Variants in HAP1 observed in about 807,000 individuals in gnomAD.
HAP1 encodes huntingtin associated protein 1, also known as huntingtin-associated protein 1.
HAP1 carries 59 observed loss-of-function variants against 60.3 expected under a neutral mutation model. That is an observed-to-expected ratio of 0.98 (90% confidence interval 0.79 to 1.22). The LOEUF (loss-of-function observed/expected upper bound fraction) is 1.22, where lower values mean the gene tolerates loss of function less well. Among genes scored for constraint, HAP1 ranks in the 50% most tolerant of loss-of-function variants. HAP1 has a pLI of 0.00. For synonymous variants in HAP1, 346 were observed against 330.6 expected (o/e 1.05, Z -0.50); for missense variants, 825 against 785.3 (o/e 1.05, Z -0.60).
At chr17:41,730,769 A>G (rs1252134058) in intron 6 of HAP1, among the ~76,000 whole-genome samples, 3 of 152,180 alleles carry the variant, frequency 2.0e-5, no homozygotes, top group Non-Finnish European at 2.9e-5. Flanking sequence ...CTTCATAAAC[A>G]CACAGTGCCT....
At chr17:41,720,282 G>A (rs376788569), downstream of HAP1, among the ~76,000 whole-genome samples, 5 of 151,744 alleles carry the variant, frequency 3.3e-5, no homozygotes, top group South Asian at 6.3e-4. Flanking sequence ...TGCAACCTCC[G>A]CCTCCCAGGT....
In HAP1 at chr17:41,731,963, A is replaced by ACACTG; in HGVS notation, c.865_869dup (p.Ala291SerfsTer11). ...GCTTAGGGGCATCACAGGGATGAGC[A>ACACTG]CACTGCAGGTCTTCCTCTGCTTCTT... On this transcript the variant is annotated frameshift_variant, in exon 4 of 11. Transcript: ENST00000347901. LOFTEE classifies it high-confidence loss of function. The ACACTG allele has an allele frequency of 1.0e-6, 1 of 1,002,792 alleles. No individual in the cohort carries two copies. The highest frequency in any genetic ancestry group is 1.6e-6 in the Non-Finnish European group (1 of 640,674). The allele number at this position is 1,002,792 out of a possible 1,614,324, so 62.1% of individuals were successfully genotyped here.
chr17:41,720,263 T>C (rs1394741135), downstream of HAP1, among the ~76,000 whole-genome samples: 1 of 151,718 alleles, frequency 6.6e-6, no homozygotes, highest in Non-Finnish European at 1.5e-5. Flanking sequence ...TGGGGCAATC[T>C]CGGCTCACTG....
intron 8 of HAP1, 185 bp from the exon 9 acceptor site, chr17:41,727,329 G>T (rs1555589153): frequency 1.3e-6 from 1 of 780,894 alleles, no homozygotes. Flanking sequence ...ATGGGTGGCA[G>T]ACCCAGTGGA....
chr17:41,719,755 T>C (rs1911122631), downstream of HAP1, among the ~76,000 whole-genome samples: 2 of 152,096 alleles, frequency 1.3e-5, no homozygotes, highest in East Asian at 3.9e-4. Flanking sequence ...ATCAACATTG[T>C]GCAACCACTA....
At chr17:41,725,237 C>T in intron 10 of HAP1, 83 bp from the exon 11 acceptor site, 1 of 1,108,092 alleles carries the variant, frequency 9.0e-7, no homozygotes, top group Admixed American at 2.4e-5. Flanking sequence ...CACACAGATC[C>T]TGATGGTTCC....
rs12951847 is a variant in HAP1, at chr17:41,722,862, C to T, written c.*1839G>A. 0.76 allele frequency: 115,715 copies of T among 151,542 alleles called. 45,807 individuals are homozygous for T. Among genetic ancestry groups the T allele is most frequent in the Middle Eastern group, 0.91 (284 of 312 alleles). The allele number at this position is 151,542 out of a possible 1,614,324, so 9.4% of individuals were successfully genotyped here. A position where few individuals can be genotyped will look rare whatever the true frequency, so the allele number is the denominator to read the frequency against. On this transcript the variant is annotated 3_prime_UTR_variant, in exon 11 of 11. Coordinates refer to ENST00000347901, the MANE Select transcript of HAP1 (RefSeq NM_177977.3). Reference sequence around the variant, plus strand: ...GACAGAGGGGAGAGGGGCTGGGCCACGGATGGGAGCCTGGACACCCCCAGG... The same window carrying T: ...GACAGAGGGGAGAGGGGCTGGGCCATGGATGGGAGCCTGGACACCCCCAGG...
At chr17:41,731,592 G>C in intron 5 of HAP1, 33 bp from the exon 6 acceptor site, 5 of 1,602,918 alleles carry the variant, frequency 3.1e-6, no homozygotes, top group Non-Finnish European at 4.3e-6. Context: ...GGACAGGGAA[G>C]TCAACACCCC....
In HAP1 at chr17:41,732,035, TTCATCCTCATCCTCC is replaced by T. The variant is rs782813534; in HGVS notation, c.783_797del (p.Asp263_Glu267del). 4.4e-6 allele frequency: 7 copies of T among 1,582,096 alleles called. No homozygotes were observed. The African/African-American group carries it at 8.1e-5, about 18-fold the overall frequency. The stretch of plus-strand genomic sequence containing the variant: ...CCTCCTTTTCTTCCTCCTCCTCTTC[TTCATCCTCATCCTCC>T]TCATCAGAATCTGAGTAGAGCTGGA... On this transcript the variant is annotated inframe_deletion, in exon 4 of 11. Coordinates refer to ENST00000347901, the MANE Select transcript of HAP1 (RefSeq NM_177977.3).
chr17:41,727,998 C>G (rs1351770444), intron 7 of HAP1, among the ~76,000 whole-genome samples, 162 bp from the exon 8 acceptor site: 1 of 152,052 alleles, frequency 6.6e-6, no homozygotes, highest in Admixed American at 6.6e-5. Context: ...AGTCACGCAG[C>G]CTGGTTCCTA....
intron 2 of HAP1, 30 bp downstream of exon 2, chr17:41,732,689 G>A: frequency 6.4e-7 from 1 of 1,556,570 alleles, no homozygotes; most frequent in Non-Finnish European, 8.9e-7. Flanking sequence ...TAGAATAAGG[G>A]CTTGCCTGGA....
At chr17:41,727,182 A>C in intron 8 of HAP1, 38 bp from the exon 9 acceptor site, 1 of 1,096,494 alleles carries the variant, frequency 9.1e-7, no homozygotes, top group Admixed American at 1.7e-5. Context: ...GAGGACCCCC[A>C]CAGAACCCCC....
At chr17:41,720,089 C>T (rs1597729686), downstream of HAP1, among the ~76,000 whole-genome samples, 3 of 151,840 alleles carry the variant, frequency 2.0e-5, no homozygotes, top group East Asian at 3.9e-4. Context: ...CGGGGTTTCA[C>T]CGTGTTAGCC....
At chr17:41,733,938 G>A (rs1417822174) in intron 1 of HAP1, among the ~76,000 whole-genome samples, 2 of 152,142 alleles carry the variant, frequency 1.3e-5, no homozygotes, top group African/African-American at 4.8e-5. Flanking sequence ...GTGGGTGGGC[G>A]AGCGTGCAGG....
At position 41,732,266 on chromosome 17, in the gene HAP1, G is replaced by C; in HGVS notation, c.678C>G (p.Ser226Arg). 4 of 1,614,150 alleles carry C rather than the reference G, an allele frequency of 2.5e-6. No homozygotes were observed. Among genetic ancestry groups the C allele is most frequent in the Non-Finnish European group, 3.4e-6 (4 of 1,180,032 alleles). Residue 226 changes from serine (S) to arginine (R), a missense_variant, in exon 3 of 11, where the codon AGC becomes AGG. Transcript: ENST00000347901. ...CTGAGCCCAGCAGGGCTTCCAGCTT[G>C]CTGTTCTCCTCCATCAAAACACTGT... is the stretch of plus-strand genomic sequence containing the variant. ...KQNSVLMEENSKLEALLGSAK... is the reference protein window; with the variant it reads ...KQNSVLMEENRKLEALLGSAK...
In HAP1 at chr17:41,724,923, C is replaced by T. The variant is rs1365976758; in HGVS notation, c.1638G>A (p.Glu546=). 6.2e-7 allele frequency: 1 copy of T among 1,613,358 alleles called. No individual in the cohort carries two copies. The highest frequency in any genetic ancestry group is 1.1e-5 in the South Asian group (1 of 91,088). The change falls in exon 11 of 11, where the codon GAG becomes GAA. Residue 546 remains glutamate, a synonymous_variant. Transcript: ENST00000347901. The part of the protein sequence containing the change: ...ETEGWEEVEL[E]LDEATRMNVV... ...CGTTCATCCGCGTTGCCTCATCCAG[C>T]TCCAGTTCCACCTCCTCCCAGCCCT...
At chr17:41,731,163 A>G (rs529688797) in intron 6 of HAP1, among the ~76,000 whole-genome samples, 151 of 152,272 alleles carry the variant, frequency 9.9e-4, no homozygotes, top group Non-Finnish European at 1.6e-3. Context: ...CGCCGGCCTC[A>G]GCCTCCCAAA....
In HAP1 at chr17:41,725,176, C is replaced by T. The variant is rs537577896; in HGVS notation, c.1407-22G>A. 3.9e-6 allele frequency: 6 copies of T among 1,545,516 alleles called. No individual in the cohort carries two copies. The South Asian group carries it at 7.4e-5, about 19-fold the overall frequency. On this transcript the variant is annotated intron_variant, in intron 10 of 10. Coordinates refer to ENST00000347901, the MANE Select transcript of HAP1 (RefSeq NM_177977.3). Reference sequence around the variant, plus strand: ...ATACCTGGGCGGGAGATAGCGACATCTTTTGAGGGGCTGGAAAGTCCAACC... The same window carrying T: ...ATACCTGGGCGGGAGATAGCGACATTTTTTGAGGGGCTGGAAAGTCCAACC...
rs377587501 is a variant in HAP1 at position 41,727,048 on chromosome 17, C to A, written c.1367+5G>T. The A allele has an allele frequency of 1.4e-6, 2 of 1,475,158 alleles. No individual in the cohort carries two copies. Among genetic ancestry groups the A allele is most frequent in the South Asian group, 1.2e-5 (1 of 84,088 alleles). The allele number at this position is 1,475,158 out of a possible 1,614,324, so 91.4% of individuals were successfully genotyped here. On this transcript the variant is annotated splice_donor_5th_base_variant and intron_variant, in intron 9 of 10. Coordinates refer to ENST00000347901, the MANE Select transcript of HAP1 (RefSeq NM_177977.3). ...ATGGGGCAAGGGAGGGCCCCAGCCA[C>A]GCACCTCTCCATAAAATACACAGGG...
Sources: gnomAD v4.1 joint callset for allele counts (sites outside exome capture counted in the v4.1 genomes callset) on GRCh38, gnomAD v4.1.1 for gene constraint, MANE v1.5 for transcripts, NCBI Gene and HGNC (gene_info 2026-07-23, HGNC 2026-07-21) for gene names.